The following ARHGAP24 variants were observed in gnomAD, a reference collection of about 807,000 sequenced individuals.
ARHGAP24 encodes Rho GTPase activating protein 24, also known as rho GTPase-activating protein 24.
ARHGAP24 carries 50 observed loss-of-function variants against 76.4 expected under a neutral mutation model. The ratio of observed to expected loss-of-function variants is 0.65; its 90% CI spans 0.52 to 0.83. The LOEUF (loss-of-function observed/expected upper bound fraction) is 0.83. ARHGAP24 is among the 40% of genes least tolerant of loss of function. The pLI is 0.00. For missense variants in ARHGAP24, 930 were observed against 914.2 expected (o/e 1.02, Z -0.22); for synonymous variants, 345 against 323.3 (o/e 1.07, Z -0.72).
intron 2 of ARHGAP24, among the ~76,000 whole-genome samples, chr4:85,675,063 C>A (rs1286770957): frequency 6.6e-6 from 1 of 152,036 alleles, no homozygotes; most frequent in African/African-American, 2.4e-5. Context: ...ATCTGGTTTA[C>A]AATATAGGAG....
intron 1 of ARHGAP24, among the ~76,000 whole-genome samples, chr4:85,556,831 C>T (rs978395205): frequency 2.0e-5 from 3 of 152,158 alleles, no homozygotes; most frequent in Non-Finnish European, 4.4e-5. Flanking sequence ...AAAATGGTGC[C>T]CTGCCTCCCT....
chr4:85,509,880 C>T (rs915383051), intron 1 of ARHGAP24, among the ~76,000 whole-genome samples: 2 of 152,062 alleles, frequency 1.3e-5, no homozygotes, highest in African/African-American at 2.4e-5. Context: ...TTTGTATTAT[C>T]GGATGCTGTG....
At chr4:85,675,760 C>A in intron 2 of ARHGAP24, among the ~76,000 whole-genome samples, 1 of 152,208 alleles carries the variant, frequency 6.6e-6, no homozygotes, top group East Asian at 1.9e-4. Flanking sequence ...GCTTGTAGCT[C>A]ATCTCATTTG....
At chr4:85,901,306 G>GAAGT (rs1432184241) in intron 3 of ARHGAP24, among the ~76,000 whole-genome samples, 19 of 152,066 alleles carry the variant, frequency 1.2e-4, no homozygotes, top group African/African-American at 4.3e-4. Context: ...TATTAAAGGA[G>GAAGT]AAGTAGCAAG....
intron 2 of ARHGAP24, among the ~76,000 whole-genome samples, chr4:85,703,083 A>G (rs557740777): frequency 7.9e-5 from 12 of 152,272 alleles, no homozygotes; most frequent in African/African-American, 2.6e-4. Flanking sequence ...GATTATGACT[A>G]AAACAACTGG....
chr4:85,501,689 G>A (rs1459272494), intron 1 of ARHGAP24, among the ~76,000 whole-genome samples: 2 of 152,070 alleles, frequency 1.3e-5, no homozygotes, highest in Non-Finnish European at 2.9e-5. Context: ...CACTCTGATG[G>A]TAGTTTCTTT....
chr4:85,845,527 A>G (rs1730836499), intron 3 of ARHGAP24, among the ~76,000 whole-genome samples: 1 of 152,160 alleles, frequency 6.6e-6, no homozygotes, highest in Non-Finnish European at 1.5e-5. Context: ...CATAATTTAG[A>G]ATTTACATAC....
chr4:85,864,154 G>A (rs1732058080), intron 3 of ARHGAP24, among the ~76,000 whole-genome samples: 1 of 152,070 alleles, frequency 6.6e-6, no homozygotes, highest in Non-Finnish European at 1.5e-5. Context: ...CTAGTCCTTG[G>A]TTCCTGCCGG....
At chr4:85,706,567 T>A (rs1375902531) in intron 2 of ARHGAP24, among the ~76,000 whole-genome samples, 1 of 151,892 alleles carries the variant, frequency 6.6e-6, no homozygotes, top group Non-Finnish European at 1.5e-5. Context: ...TTTGTTTTTT[T>A]TTTTCTTTTT....
At chr4:85,950,920 C>T (rs1737576995) in intron 5 of ARHGAP24, among the ~76,000 whole-genome samples, 1 of 152,084 alleles carries the variant, frequency 6.6e-6, no homozygotes, top group South Asian at 2.1e-4. Flanking sequence ...CTCAGGTGAT[C>T]CACCCACCTC....
chr4:85,540,324 G>A (rs1158672070), intron 1 of ARHGAP24, among the ~76,000 whole-genome samples: 2 of 151,970 alleles, frequency 1.3e-5, no homozygotes, highest in East Asian at 1.9e-4. Flanking sequence ...AATACCCAGA[G>A]GCCTATTTTA....
intron 1 of ARHGAP24, among the ~76,000 whole-genome samples, chr4:85,499,111 A>G (rs1723693773): frequency 6.6e-6 from 1 of 152,200 alleles, no homozygotes; most frequent in Non-Finnish European, 1.5e-5. Flanking sequence ...CACTTTCATT[A>G]GACCTTGCTT....
At chr4:85,883,932 A>G (rs921877425) in intron 3 of ARHGAP24, among the ~76,000 whole-genome samples, 13 of 152,176 alleles carry the variant, frequency 8.5e-5, no homozygotes, top group Admixed American at 3.9e-4. Flanking sequence ...TTCTTTATCT[A>G]TAAAGTAGAG....
At chr4:85,625,686 T>G (rs1234624608) in intron 2 of ARHGAP24, among the ~76,000 whole-genome samples, 1 of 152,210 alleles carries the variant, frequency 6.6e-6, no homozygotes, top group Admixed American at 6.5e-5. Context: ...AAATCTCCCA[T>G]TATTATTCTG....
intron 3 of ARHGAP24, among the ~76,000 whole-genome samples, chr4:85,922,149 C>A (rs1357808123): frequency 6.6e-6 from 1 of 152,154 alleles, no homozygotes; most frequent in Non-Finnish European, 1.5e-5. Flanking sequence ...TTCCTCTGTT[C>A]CCATTTAGTT....
At chr4:85,677,496 A>T (rs984567986) in intron 2 of ARHGAP24, among the ~76,000 whole-genome samples, 1 of 152,188 alleles carries the variant, frequency 6.6e-6, no homozygotes, top group African/African-American at 2.4e-5. Context: ...CCAAGGATGT[A>T]CTCATTTCTG....
intron 1 of ARHGAP24, among the ~76,000 whole-genome samples, chr4:85,517,854 T>C (rs921627249): frequency 2.6e-5 from 4 of 152,174 alleles, no homozygotes; most frequent in Non-Finnish European, 5.9e-5. Flanking sequence ...TAATTTTATG[T>C]GAATACGTAA....
chr4:85,645,044 A>T (rs1025406934), intron 2 of ARHGAP24, among the ~76,000 whole-genome samples: 1 of 152,130 alleles, frequency 6.6e-6, no homozygotes, highest in Admixed American at 6.5e-5. Flanking sequence ...AGCCTAGATA[A>T]TAAAATTACA....
intron 3 of ARHGAP24, among the ~76,000 whole-genome samples, chr4:85,898,615 A>C (rs912498557): frequency 2.0e-5 from 3 of 152,242 alleles, no homozygotes; most frequent in African/African-American, 7.2e-5. Context: ...AACAACATTT[A>C]ACCAGGATAG....
Sources: allele counts gnomAD v4.1 joint callset (sites outside exome capture counted in the v4.1 genomes callset), GRCh38; gene constraint gnomAD v4.1.1; transcripts MANE v1.5; gene names NCBI Gene and HGNC (gene_info 2026-07-23, HGNC 2026-07-21).